HEATR5B: variants seen among roughly 807,000 people sequenced by gnomAD.
The protein encoded by HEATR5B is HEAT repeat containing 5B, also known as HEAT repeat-containing protein 5B.
Under a neutral mutation model 224.1 loss-of-function variants are expected in HEATR5B, and 156 were observed. The ratio of observed to expected loss-of-function variants is 0.70; its 90% confidence interval spans 0.61 to 0.80. The LOEUF is 0.80. Among genes scored for constraint, HEATR5B ranks in the 30% least tolerant of loss-of-function variants. The pLI is 0.00. For synonymous variants in HEATR5B, 1,027 were observed against 893.0 expected, an observed-to-expected ratio of 1.15 and a Z score of -2.68; for missense variants, 2,323 against 2,535.5, an observed-to-expected ratio of 0.92 and a Z score of 1.80.
intron 33 of HEATR5B, among the ~76,000 whole-genome samples, chr2:36,996,700 C>G (rs1003225299): frequency 1.3e-5 from 2 of 152,120 alleles, no homozygotes; most frequent in African/African-American, 4.8e-5. Context: ...TCAAGAGATT[C>G]TCCTGCCTCA....
chr2:37,060,482 T>C lies in HEATR5B; in HGVS notation c.1849+99A>G, dbSNP rs369307447. Reference sequence around the variant, plus strand: ...AAAAGCCTATGAATTTATCATTACCTAGTAAAATAAAAAACTATAAAATAG... The same window carrying C: ...AAAAGCCTATGAATTTATCATTACCCAGTAAAATAAAAAACTATAAAATAG... On this transcript the variant is annotated intron_variant, in intron 12 of 35. Transcript: ENST00000233099. 9 of 942,108 alleles carry C rather than the reference T, an allele frequency of 9.6e-6. No individual in the cohort carries two copies. In the South Asian group the frequency reaches 1.6e-4, roughly 16 times the overall value. The allele number at this position is 942,108 out of a possible 1,614,324, so 58.4% of individuals were successfully genotyped here.
chr2:36,984,557 G>T (rs1174018513), intron 35 of HEATR5B, among the ~76,000 whole-genome samples: 1 of 151,836 alleles, frequency 6.6e-6, no homozygotes, highest in African/African-American at 2.4e-5. Flanking sequence ...TCAAAGAAAA[G>T]ATCTAATGTA....
Position 36,988,807 on chromosome 2 carries a change from C to T in HEATR5B, c.5750G>A (p.Arg1917His), listed in dbSNP as rs766983676. Residue 1917 changes from arginine to histidine, a missense_variant, in exon 35 of 36, where the codon CGT becomes CAT. By Grantham distance (29) the Arg-to-His change is conservative (BLOSUM62 0). This residue lies in a region of HEATR5B where 844 missense variants were observed against 812.9 expected (regional missense o/e 1.04). Coordinates refer to ENST00000233099, the MANE Select transcript of HEATR5B (RefSeq NM_019024.3). The stretch of plus-strand genomic sequence containing the variant: ...ATGAATATAAGGAGTTGAAAGGGCA[C>T]GATTGGAATGCTGGAAGACTGAGAG... ...LLLSVFQHSN[R>H]ALSTPYIHSL... is the part of the protein sequence containing the mutation. The T allele has an allele frequency of 1.5e-5, 25 of 1,613,834 alleles. No homozygotes were observed. In the East Asian group the frequency reaches 2.9e-4, roughly 19 times the overall value.
chr2:37,011,659 A>C (rs1667796582), intron 27 of HEATR5B, among the ~76,000 whole-genome samples: 1 of 152,228 alleles, frequency 6.6e-6, no homozygotes, highest in African/African-American at 2.4e-5. Flanking sequence ...CATTATTTTA[A>C]TGACTTACAG....
At chr2:36,989,675 T>C (rs1666188688) in intron 34 of HEATR5B, among the ~76,000 whole-genome samples, 1 of 152,028 alleles carries the variant, frequency 6.6e-6, no homozygotes, top group Admixed American at 6.6e-5. Flanking sequence ...TTAACACTTT[T>C]TTAAAAAAAT....
chr2:37,029,449 A>G (rs1056715694), intron 22 of HEATR5B, among the ~76,000 whole-genome samples: 1 of 151,696 alleles, frequency 6.6e-6, no homozygotes, highest in African/African-American at 2.4e-5. Flanking sequence ...GGATCACCTG[A>G]GATCAGGAGT....
chr2:37,011,503 G>A (rs1572798241), intron 27 of HEATR5B, among the ~76,000 whole-genome samples: 1 of 152,242 alleles, frequency 6.6e-6, no homozygotes, highest in Non-Finnish European at 1.5e-5. Flanking sequence ...GGAAAAATAA[G>A]AGTTAAAAAT....
chr2:37,051,386 A>ATAGTAAT (rs1249030284), intron 17 of HEATR5B, among the ~76,000 whole-genome samples: 15 of 151,382 alleles, frequency 9.9e-5, no homozygotes, highest in South Asian at 8.3e-4. Flanking sequence ...AAAGGTAAAA[A>ATAGTAAT]TAGTAATTAG....
rs571089000 is a variant in HEATR5B at position 37,079,280 on chromosome 2, T to C, written c.178A>G (p.Ile60Val). The change falls in exon 3 of 36, where the codon ATA becomes GTA. Residue 60 changes from isoleucine to valine, a missense_variant. Ile to Val is a conservative substitution (Grantham distance 29). Coordinates refer to ENST00000233099, the MANE Select transcript of HEATR5B (RefSeq NM_019024.3). ...KKLVEQLTGLISSSPGPPTRK... is the reference protein window; with the variant it reads ...KKLVEQLTGLVSSSPGPPTRK... ...GTAGGTGGTCCAGGTGAACTACTTA[T>C]TAATCCAGTTAATTGTTCAACAAGT... 6.2e-7 allele frequency: 1 copy of C among 1,612,864 alleles called. No individual in the cohort carries two copies. Among genetic ancestry groups the C allele is most frequent in the South Asian group, 1.1e-5 (1 of 90,892 alleles).
intron 22 of HEATR5B, among the ~76,000 whole-genome samples, chr2:37,031,564 G>A (rs1295300542): frequency 6.6e-6 from 1 of 151,204 alleles, no homozygotes; most frequent in Non-Finnish European, 1.5e-5. Context: ...CTGACATGTA[G>A]AAGTTCTGAA....
At chr2:37,011,487 A>G (rs1478525251) in intron 27 of HEATR5B, among the ~76,000 whole-genome samples, 2 of 152,210 alleles carry the variant, frequency 1.3e-5, no homozygotes, top group South Asian at 4.1e-4. Flanking sequence ...TATGCTATAA[A>G]AAGTTGGAAA....
intron 26 of HEATR5B, among the ~76,000 whole-genome samples, chr2:37,019,285 G>A (rs1668317969): frequency 6.6e-6 from 1 of 152,056 alleles, no homozygotes; most frequent in Admixed American, 6.6e-5. Flanking sequence ...ATTCTCCTTA[G>A]TATGATTTAA....
intron 27 of HEATR5B, among the ~76,000 whole-genome samples, chr2:37,011,319 C>G (rs1224865814): frequency 6.6e-6 from 1 of 152,174 alleles, no homozygotes; most frequent in Admixed American, 6.5e-5. Flanking sequence ...GCATGGTAAT[C>G]TAAGTATGCA....
At position 37,002,489 on chromosome 2, in the gene HEATR5B, C is replaced by A. The variant is rs1667155358; in HGVS notation, c.5134G>T (p.Val1712Leu). The change falls in exon 32 of 36, where the codon GTG (valine) becomes TTG (leucine). Residue 1712 changes from valine to leucine, a missense_variant. Physicochemically the swap from Val to Leu is conservative, Grantham distance 32 (BLOSUM62 1). Coordinates refer to ENST00000233099, the MANE Select transcript of HEATR5B (RefSeq NM_019024.3). ...SGGLIPGKSL[V>L]FATMELLMFI... ...ATCAGCAGCTCCATAGTTGCAAACA[C>A]AAGAGATTTTCCAGGAATGAGACCA... is the stretch of plus-strand genomic sequence containing the variant. 1 of 1,614,206 alleles carries A rather than the reference C, an allele frequency of 6.2e-7. No individual in the cohort carries two copies. The highest frequency in any genetic ancestry group is 8.5e-7 in the Non-Finnish European group (1 of 1,180,036).
intron 33 of HEATR5B, among the ~76,000 whole-genome samples, chr2:36,995,087 G>GT (rs775120824): frequency 0.11 from 11,268 of 104,098 alleles, 1,499 homozygotes; most frequent in East Asian, 0.52. Context: ...GTTATTCCTT[G>GT]TTTTTTTTTT....
intron 21 of HEATR5B, among the ~76,000 whole-genome samples, chr2:37,033,429 C>T (rs955098402): frequency 6.6e-6 from 1 of 152,106 alleles, no homozygotes; most frequent in Non-Finnish European, 1.5e-5. Flanking sequence ...TCAACTTTGT[C>T]ATCTAAATTT....
intron 10 of HEATR5B, among the ~76,000 whole-genome samples, chr2:37,063,340 C>A (rs1318600701): frequency 1.3e-5 from 2 of 151,644 alleles, no homozygotes; most frequent in Non-Finnish European, 2.9e-5. Flanking sequence ...CTGAAAAAGG[C>A]CAGGGAAGGA....
At chr2:37,031,690 C>T (rs1490420750) in intron 22 of HEATR5B, among the ~76,000 whole-genome samples, 2 of 151,812 alleles carry the variant, frequency 1.3e-5, no homozygotes, top group African/African-American at 2.4e-5. Flanking sequence ...TCTACAATAC[C>T]GTATATCTGT....
rs374459554 is a variant in HEATR5B, at chr2:37,072,224, T to C, written c.655A>G (p.Ile219Val). The C allele has an allele frequency of 1.9e-6, 3 of 1,613,734 alleles. No individual in the cohort carries two copies. Among genetic ancestry groups the C allele is most frequent in the African/African-American group, 1.3e-5 (1 of 74,908 alleles). The change falls in exon 6 of 36, where the codon ATA becomes GTA. Residue 219 changes from isoleucine (I) to valine (V), a missense_variant. Ile to Val is a conservative substitution (Grantham distance 29). This residue lies in a region of HEATR5B where 292 missense variants were observed against 332.6 expected (regional missense o/e 0.88). Transcript: ENST00000233099. ...AAAGCCTTAAAGCAGAGAGTGGCTA[T>C]ATTTTCTAGTTCAGCAGTCCACATA... ...VFMWTAELEN[I>V]ATLCFKALEN...
Sources: allele counts gnomAD v4.1 joint callset (sites outside exome capture counted in the v4.1 genomes callset), GRCh38; gene constraint gnomAD v4.1.1; regional missense constraint gnomAD v4.1.1; transcripts MANE v1.5; gene names NCBI Gene and HGNC (gene_info 2026-07-23, HGNC 2026-07-21).